The following DAB1 variants were observed in gnomAD, a reference collection of about 807,000 sequenced individuals.
The protein encoded by DAB1 is DAB adaptor protein 1, also known as disabled homolog 1.
Under a neutral mutation model 64.6 loss-of-function variants are expected in DAB1, and 15 were observed. The ratio of observed to expected loss-of-function variants is 0.23; its 90% CI spans 0.16 to 0.36. DAB1 has a LOEUF of 0.36. Ranked by LOEUF, DAB1 falls within the 10% of genes least tolerant of loss-of-function variation. The pLI is 1.00. For synonymous variants in DAB1, 235 were observed against 251.9 expected (o/e 0.93, Z 0.64); for missense variants, 596 against 706.7 (o/e 0.84, Z 1.78).
At chr1:57,062,503 T>C (rs545459287) in intron 9 of DAB1, among the ~76,000 whole-genome samples, 19 of 152,302 alleles carry the variant, frequency 1.2e-4, no homozygotes, top group Non-Finnish European at 2.6e-4. Flanking sequence ...AAAATGGATA[T>C]TGGATACACA....
At chr1:57,892,500 C>A (rs183441623) in intron 5 of DAB1, among the ~76,000 whole-genome samples, 332 of 152,272 alleles carry the variant, frequency 2.2e-3, no homozygotes, top group African/African-American at 7.7e-3. Flanking sequence ...TATTTTCAAG[C>A]AAGGAAACTG....
intron 1 of DAB1, among the ~76,000 whole-genome samples, chr1:58,537,627 T>C (rs965840830): frequency 1.3e-5 from 2 of 152,216 alleles, no homozygotes; most frequent in African/African-American, 4.8e-5. Context: ...TATGAGTTGA[T>C]CTGTAAAATC....
rs569730378 is a variant in DAB1, at chr1:58,394,971, T to C, written n.258-51568A>G. 2.0e-5 allele frequency among the ~76,000 whole-genome samples: 3 copies of C among 149,606 alleles called. No individual in the cohort carries two copies. The East Asian group carries it at 5.9e-4, about 30-fold the overall frequency. On this transcript the variant is annotated intron_variant and non_coding_transcript_variant, in intron 3 of 20. Transcript: ENST00000485760. ...CCAAAGATAAGATATATACAAGGTA[T>C]AGAGGAAGCAAAAAAAAAAATGGCA...
intron 3 of DAB1, among the ~76,000 whole-genome samples, chr1:58,356,565 A>C (rs1046092999): frequency 6.6e-6 from 1 of 152,110 alleles, no homozygotes; most frequent in African/African-American, 2.4e-5. Flanking sequence ...ACCAGCATGT[A>C]AGATTAGAAG....
At chr1:57,009,332 T>G (rs1468906569) in intron 14 of DAB1, among the ~76,000 whole-genome samples, 1 of 152,246 alleles carries the variant, frequency 6.6e-6, no homozygotes, top group Non-Finnish European at 1.5e-5. Context: ...GAAGTAGCTT[T>G]GCAAGAGTGA....
chr1:57,598,107 C>T (rs776636843), intron 7 of DAB1, among the ~76,000 whole-genome samples: 5 of 152,202 alleles, frequency 3.3e-5, no homozygotes, highest in Non-Finnish European at 5.9e-5. Context: ...CTCAGCCTCC[C>T]GAGTAGCAGG....
At chr1:57,739,565 G>A (rs1647877701) in intron 6 of DAB1, among the ~76,000 whole-genome samples, 1 of 147,606 alleles carries the variant, frequency 6.8e-6, no homozygotes, top group South Asian at 2.2e-4. Flanking sequence ...TCCTGCCTCA[G>A]CCTCCCAAAC....
At chr1:57,171,323 G>A (rs1051644239) in intron 2 of DAB1, among the ~76,000 whole-genome samples, 1 of 152,184 alleles carries the variant, frequency 6.6e-6, no homozygotes, top group Non-Finnish European at 1.5e-5. Flanking sequence ...ATATGAATAA[G>A]TGAGGTGGTT....
chr1:58,317,080 A>G (rs764065659), intron 4 of DAB1, among the ~76,000 whole-genome samples: 2 of 152,236 alleles, frequency 1.3e-5, no homozygotes, highest in Non-Finnish European at 2.9e-5. Flanking sequence ...GGGAAGAGAG[A>G]GCATTGCCTT....
rs1237630447 is a variant in DAB1, at chr1:57,715,504, T to C, written n.552-65839A>G. 2.0e-5 allele frequency among the ~76,000 whole-genome samples: 3 copies of C among 152,232 alleles called. No homozygotes were observed. In the East Asian group the frequency reaches 5.8e-4, roughly 29 times the overall value. ...GGGAAAAAGGAAGCCAAATTGTTTC[T>C]GTTTGCAGATAACATCATGATATAT... On this transcript the variant is annotated intron_variant and non_coding_transcript_variant, in intron 6 of 20. Coordinates refer to the DAB1 transcript ENST00000485760.
intron 2 of DAB1, among the ~76,000 whole-genome samples, chr1:57,269,806 G>A (rs1670856987): frequency 1.3e-5 from 2 of 152,148 alleles, no homozygotes; most frequent in African/African-American, 4.8e-5. Context: ...AGGTTGGAGA[G>A]GGACTGAGGT....
At chr1:57,297,934 G>A (rs767281117) in intron 1 of DAB1, among the ~76,000 whole-genome samples, 2 of 152,078 alleles carry the variant, frequency 1.3e-5, no homozygotes, top group Admixed American at 1.3e-4. Context: ...AAATTTGCAC[G>A]GAACAGGGTC....
intron 3 of DAB1, among the ~76,000 whole-genome samples, chr1:58,400,529 G>C (rs977810385): frequency 6.6e-6 from 1 of 152,198 alleles, no homozygotes; most frequent in African/African-American, 2.4e-5. Context: ...TGGAAGTTTA[G>C]AGAAACAGAC....
At chr1:57,060,125 T>TTTTTATTTTATTATA (rs1650228926) in intron 9 of DAB1, among the ~76,000 whole-genome samples, 1 of 135,904 alleles carries the variant, frequency 7.4e-6, no homozygotes, top group Non-Finnish European at 1.6e-5. Flanking sequence ...ATTCATATAT[T>TTTTTATTTTATTATA]TTTTATTTTA....
chr1:57,176,149 C>T (rs7530255), intron 2 of DAB1, among the ~76,000 whole-genome samples: 41,503 of 152,040 alleles, frequency 0.27, 9,026 homozygotes, highest in African/African-American at 0.61. Flanking sequence ...CTCAGTGGTC[C>T]TTTATGACAT....
intron 7 of DAB1, among the ~76,000 whole-genome samples, chr1:57,486,716 GC>G (rs1558426217): frequency 6.6e-6 from 1 of 152,028 alleles, no homozygotes; most frequent in Admixed American, 6.6e-5. Context: ...GAGCCAGTAG[GC>G]TCAGCTTCAG....
intron 4 of DAB1, among the ~76,000 whole-genome samples, chr1:58,294,896 G>GTGTA: frequency 6.6e-6 from 1 of 151,324 alleles, no homozygotes; most frequent in South Asian, 2.1e-4. Context: ...GTGTGTGTGT[G>GTGTA]TGTGTGTTTG....
chr1:57,884,549 G>A (rs1053899992), upstream of DAB1, among the ~76,000 whole-genome samples: 8 of 152,192 alleles, frequency 5.3e-5, no homozygotes, highest in African/African-American at 1.9e-4. Flanking sequence ...ATACCTTAAA[G>A]CAGAATTATT....
At chr1:58,205,958 G>T (rs1481475890) in intron 4 of DAB1, among the ~76,000 whole-genome samples, 5 of 152,036 alleles carry the variant, frequency 3.3e-5, no homozygotes, top group Admixed American at 3.3e-4. Context: ...TTCTGAAACT[G>T]GCCAGCTGAG....
Sources: allele counts gnomAD v4.1 joint callset (sites outside exome capture counted in the v4.1 genomes callset), GRCh38; gene constraint gnomAD v4.1.1; transcripts MANE v1.5; gene names NCBI Gene and HGNC (gene_info 2026-07-23, HGNC 2026-07-21).